The following FOXO1 variants were observed in gnomAD, a reference collection of about 807,000 sequenced individuals.
FOXO1 encodes the protein forkhead box protein O1.
In FOXO1, 6 loss-of-function variants were observed where a neutral mutation model predicts 44.1. That is an observed-to-expected ratio of 0.14 (90% CI 0.07 to 0.27). The LOEUF is 0.27. Among genes scored for constraint, FOXO1 ranks in the 10% least tolerant of loss-of-function variants. The probability of loss-of-function intolerance (pLI) is 1.00; values close to 1 mark genes in which losing one functional copy is unlikely to be tolerated. For missense variants in FOXO1, 737 were observed against 888.8 expected, an observed-to-expected ratio of 0.83 and a Z score of 2.17; for synonymous variants, 380 against 362.7, an observed-to-expected ratio of 1.05 and a Z score of -0.54.
At chr13:40,596,713 C>T (rs571936421) in intron 1 of FOXO1, among the ~76,000 whole-genome samples, 2 of 152,196 alleles carry the variant, frequency 1.3e-5, no homozygotes, top group East Asian at 1.9e-4. Context: ...TCACTAAGCA[C>T]GCTCTGTTCT....
At chr13:40,646,885 C>T (rs143935681) in intron 1 of FOXO1, among the ~76,000 whole-genome samples, 5 of 152,292 alleles carry the variant, frequency 3.3e-5, no homozygotes, top group South Asian at 2.1e-4. Flanking sequence ...TGAGCCACCG[C>T]GCCCGGCCTG....
intron 1 of FOXO1, among the ~76,000 whole-genome samples, chr13:40,607,343 C>T (rs909348307): frequency 2.6e-5 from 4 of 152,226 alleles, no homozygotes; most frequent in African/African-American, 9.7e-5. Context: ...CACTCCCAAT[C>T]CTCTGAAGCA....
chr13:40,664,945 CCT>C (rs1309326613), intron 1 of FOXO1, among the ~76,000 whole-genome samples: 1 of 151,894 alleles, frequency 6.6e-6, no homozygotes, highest in East Asian at 1.9e-4. Flanking sequence ...GGAGGCACCA[CCT>C]CGGGCTCGGG....
chr13:40,664,404 A>G (rs1357330079), intron 1 of FOXO1, among the ~76,000 whole-genome samples: 2 of 151,628 alleles, frequency 1.3e-5, no homozygotes, highest in African/African-American at 4.8e-5. Context: ...GCCTCCCCGG[A>G]GCCGAGGGCC....
At chr13:40,616,706 G>C (rs1413271830) in intron 1 of FOXO1, among the ~76,000 whole-genome samples, 2 of 152,322 alleles carry the variant, frequency 1.3e-5, no homozygotes, top group East Asian at 3.9e-4. Context: ...GTGTTTCTCT[G>C]CTTAGGACAG....
At position 40,560,990 on chromosome 13, in the gene FOXO1, T is replaced by C. The variant is rs1446084764; in HGVS notation, c.631-130A>G. The C allele has an allele frequency of 6.1e-6, 5 of 814,524 alleles. No homozygotes were observed. Among genetic ancestry groups the C allele is most frequent in the Non-Finnish European group, 9.4e-6 (5 of 532,338 alleles). 50.5% of individuals were successfully genotyped at this position (814,524 alleles called of 1,614,324 possible). A position where few individuals can be genotyped will look rare whatever the true frequency, so the allele number is the denominator to read the frequency against. On this transcript the variant is annotated intron_variant, in intron 1 of 2. Coordinates refer to ENST00000379561, the MANE Select transcript of FOXO1 (RefSeq NM_002015.4). The surrounding 1 kb of genome is among the most constrained non-coding windows in gnomAD (Gnocchi z 5.1). ...GTGCTACAGATTTCCATCTGAACAG[T>C]CCTAATGGCTCTGAAGCCACTACAA...
Position 40,630,671 on chromosome 13 carries a change from C to A in FOXO1, c.630+34912G>T, listed in dbSNP as rs527374632. On this transcript the variant is annotated intron_variant, in intron 1 of 2. Transcript: ENST00000379561. ...CTTCTCAAAAAAAAAAAAGGAAAAACCAGGAAAAGCTTGTCACTTAATGAC... is the reference window on the plus strand; with the variant it reads ...CTTCTCAAAAAAAAAAAAGGAAAAAACAGGAAAAGCTTGTCACTTAATGAC... 2.6e-3 allele frequency among the ~76,000 whole-genome samples: 397 copies of A among 151,508 alleles called. 2 individuals carry two copies. The highest frequency in any genetic ancestry group is 9.2e-3 in the African/African-American group (380 of 41,346).
chr13:40,601,044 A>G (rs1212574670), intron 1 of FOXO1, among the ~76,000 whole-genome samples: 1 of 152,108 alleles, frequency 6.6e-6, no homozygotes, highest in Non-Finnish European at 1.5e-5. Flanking sequence ...TCTGTCGAAA[A>G]CCATCCCACA....
intron 1 of FOXO1, among the ~76,000 whole-genome samples, chr13:40,592,676 T>C (rs1463082569): frequency 6.6e-6 from 1 of 152,204 alleles, no homozygotes; most frequent in Admixed American, 6.5e-5. Flanking sequence ...CTGCAATACT[T>C]AGCACAGTCA....
At chr13:40,641,041 T>C (rs544668969) in intron 1 of FOXO1, among the ~76,000 whole-genome samples, 1 of 152,228 alleles carries the variant, frequency 6.6e-6, no homozygotes, top group South Asian at 2.1e-4. Context: ...GCCTTGGCCC[T>C]CCAAAGTGCT....
In FOXO1 at chr13:40,607,966, G is replaced by A. The variant is rs185748831; in HGVS notation, c.631-47106C>T. 5.3e-5 allele frequency among the ~76,000 whole-genome samples: 8 copies of A among 152,272 alleles called. No homozygotes were observed. In the South Asian group the frequency reaches 1.0e-3, roughly 20 times the overall value. ...TCTCTTAAGTCTTACCTCAATTCAC[G>A]TACCCTCTTTCTTGTCCCTTACCCA... is the stretch of plus-strand genomic sequence containing the variant. On this transcript the variant is annotated intron_variant, in intron 1 of 2. Transcript: ENST00000379561.
intron 1 of FOXO1, among the ~76,000 whole-genome samples, chr13:40,654,366 G>A (rs1486953638): frequency 6.9e-6 from 1 of 144,890 alleles, no homozygotes; most frequent in Admixed American, 6.9e-5. Flanking sequence ...GCCAGGCGTG[G>A]TGGTGGCCGC....
chr13:40,630,705 C>G (rs970936837), intron 1 of FOXO1, among the ~76,000 whole-genome samples: 1 of 151,896 alleles, frequency 6.6e-6, no homozygotes, highest in African/African-American at 2.4e-5. Flanking sequence ...ACTGGCCTGG[C>G]AAATAGGGAA....
At chr13:40,593,126 T>C (rs1875445625) in intron 1 of FOXO1, among the ~76,000 whole-genome samples, 1 of 152,050 alleles carries the variant, frequency 6.6e-6, no homozygotes, top group Non-Finnish European at 1.5e-5. Flanking sequence ...CAGGCTCAGG[T>C]GATGGCCCCA....
intron 1 of FOXO1, among the ~76,000 whole-genome samples, chr13:40,570,390 A>C (rs1424158494): frequency 2.7e-5 from 4 of 150,688 alleles, no homozygotes; most frequent in Non-Finnish European, 5.9e-5. Flanking sequence ...ACTACAGGAC[A>C]AAAGAGGTGC....
At chr13:40,647,872 C>A (rs1877560236) in intron 1 of FOXO1, among the ~76,000 whole-genome samples, 1 of 152,182 alleles carries the variant, frequency 6.6e-6, no homozygotes, top group East Asian at 1.9e-4. Context: ...GAGACCCTGA[C>A]AAAACGCCAG....
intron 1 of FOXO1, among the ~76,000 whole-genome samples, chr13:40,657,975 T>C (rs1356609915): frequency 1.3e-5 from 2 of 152,170 alleles, no homozygotes; most frequent in African/African-American, 4.8e-5. Flanking sequence ...GACCCATGTA[T>C]CAAGAAAGAA....
At chr13:40,651,267 A>G (rs1877678981) in intron 1 of FOXO1, among the ~76,000 whole-genome samples, 1 of 152,122 alleles carries the variant, frequency 6.6e-6, no homozygotes, top group Admixed American at 6.5e-5. Context: ...TTTTATAAAA[A>G]GTACGTTCTA....
intron 1 of FOXO1, among the ~76,000 whole-genome samples, chr13:40,660,987 C>CAACAAA (rs1566087920): frequency 7.1e-6 from 1 of 140,668 alleles, no homozygotes; most frequent in Non-Finnish European, 1.5e-5. Flanking sequence ...ACAACAACAA[C>CAACAAA]AAAAATGAGA....
Sources: allele counts gnomAD v4.1 joint callset (sites outside exome capture counted in the v4.1 genomes callset), GRCh38; gene constraint gnomAD v4.1.1; non-coding constraint Gnocchi (gnomAD v3.1); transcripts MANE v1.5; gene names NCBI Gene and HGNC (gene_info 2026-07-23, HGNC 2026-07-21).